CYB5A: variants seen among roughly 807,000 people sequenced by gnomAD.
CYB5A encodes cytochrome b5.
CYB5A carries 10 observed loss-of-function variants against 16.2 expected under a neutral mutation model. That is an observed-to-expected ratio of 0.62 (90% CI 0.38 to 1.04). CYB5A has a LOEUF of 1.04. Ranked by LOEUF, CYB5A falls within the 50% of genes least tolerant of loss-of-function variation. CYB5A has a pLI of 0.01. For missense variants in CYB5A, 161 were observed against 165.9 expected (o/e 0.97, Z 0.16); for synonymous variants, 62 against 57.0 (o/e 1.09, Z -0.40).
intron 1 of CYB5A, among the ~76,000 whole-genome samples, chr18:74,288,450 C>T (rs1361933247): frequency 6.6e-6 from 1 of 152,192 alleles, no homozygotes; most frequent in Non-Finnish European, 1.5e-5. Flanking sequence ...ATAAATCTTT[C>T]CTATTTAGGT....
At chr18:74,267,875 G>A (rs572964931) in intron 1 of CYB5A, among the ~76,000 whole-genome samples, 1 of 152,344 alleles carries the variant, frequency 6.6e-6, no homozygotes, top group South Asian at 2.1e-4. Flanking sequence ...TGTGTGGGAA[G>A]TGACCAGCTG....
chr18:74,257,479 CTCA>C (rs1417910288), intron 3 of CYB5A: 8 of 153,208 alleles, frequency 5.2e-5, no homozygotes, highest in African/African-American at 1.9e-4. Context: ...CTCTGAGGGC[CTCA>C]CTTGGGTTTA....
At position 74,260,952 on chromosome 18, in the gene CYB5A, G is replaced by A; in HGVS notation, c.259-8C>T. ...TAACTTTGGTCTGTCATCCTGCAATGAAAAGATAAGGCACATTATGGAATT... is the reference window on the plus strand; with the variant it reads ...TAACTTTGGTCTGTCATCCTGCAATAAAAAGATAAGGCACATTATGGAATT... On this transcript the variant is annotated splice_region_variant and splice_polypyrimidine_tract_variant and intron_variant, in intron 2 of 4. Coordinates refer to ENST00000340533, the MANE Select transcript of CYB5A (RefSeq NM_148923.4). 1 of 1,609,516 alleles carries A rather than the reference G, an allele frequency of 6.2e-7. No homozygotes were observed. The highest frequency in any genetic ancestry group is 8.5e-7 in the Non-Finnish European group (1 of 1,175,988).
At chr18:74,261,820 T>A in intron 2 of CYB5A, 1 of 152,248 alleles carries the variant, frequency 6.6e-6, no homozygotes, top group Admixed American at 6.5e-5. Flanking sequence ...TAAGAGTTTC[T>A]CAGTTTGCTC....
chr18:74,273,700 T>G (rs1027118886), intron 1 of CYB5A, among the ~76,000 whole-genome samples: 46 of 152,292 alleles, frequency 3.0e-4, no homozygotes, highest in African/African-American at 1.1e-3. Flanking sequence ...TCAATGCAGG[T>G]GGGATTCACC....
chr18:74,257,438 T>C (rs1788617), intron 3 of CYB5A: 152,609 of 155,318 alleles, frequency 0.98, 75,022 homozygotes, highest in Non-Finnish European at 1. Flanking sequence ...TGCACTTTGA[T>C]GGAAAAGTAA....
At chr18:74,275,775 T>C (rs1982848128) in intron 1 of CYB5A, among the ~76,000 whole-genome samples, 1 of 151,964 alleles carries the variant, frequency 6.6e-6, no homozygotes, top group African/African-American at 2.4e-5. Context: ...GCGGGAGCTA[T>C]TAAAAAATAA....
chr18:74,287,454 G>A (rs967094393), intron 1 of CYB5A, among the ~76,000 whole-genome samples: 4 of 152,180 alleles, frequency 2.6e-5, no homozygotes, highest in Admixed American at 2.6e-4. Flanking sequence ...AGGCAGCCAT[G>A]TTCAATGGAA....
intron 1 of CYB5A, among the ~76,000 whole-genome samples, chr18:74,288,291 C>T (rs1482130996): frequency 1.3e-5 from 2 of 152,168 alleles, no homozygotes; most frequent in Non-Finnish European, 2.9e-5. Context: ...TCAACATGAA[C>T]ACGGACATGC....
Position 74,291,816 on chromosome 18 carries a change from G to C in CYB5A, c.60C>G (p.His20Gln), listed in dbSNP as rs770255525. 6.2e-7 allele frequency: 1 copy of C among 1,613,888 alleles called. No homozygotes were observed. Among genetic ancestry groups the C allele is most frequent in the African/African-American group, 1.3e-5 (1 of 75,028 alleles). The stretch of plus-strand genomic sequence containing the variant: ...TCAGCCAGGTGCTCTTGCTGTGGTT[G>C]TGCTTCTGAATCTCCTCTAGGGTGT... Reference protein sequence around the residue: ...KYYTLEEIQKHNHSKSTWLIL... With the variant: ...KYYTLEEIQKQNHSKSTWLIL... Residue 20 changes from histidine (H) to glutamine (Q), a missense_variant, in exon 1 of 5, where the codon CAC becomes CAG. His to Gln is a conservative substitution (Grantham distance 24). Coordinates refer to ENST00000340533, the MANE Select transcript of CYB5A (RefSeq NM_148923.4).
At chr18:74,275,624 G>A (rs1982841247) in intron 1 of CYB5A, among the ~76,000 whole-genome samples, 1 of 152,170 alleles carries the variant, frequency 6.6e-6, no homozygotes, top group Non-Finnish European at 1.5e-5. Flanking sequence ...GTGTAAACAT[G>A]CAGAAGCATC....
intron 1 of CYB5A, among the ~76,000 whole-genome samples, chr18:74,267,945 C>A (rs1401786348): frequency 6.6e-6 from 1 of 152,124 alleles, no homozygotes; most frequent in Non-Finnish European, 1.5e-5. Context: ...TAAGGAGGAC[C>A]CAGAAGTGGG....
chr18:74,266,423 T>A (rs890865698), intron 1 of CYB5A, among the ~76,000 whole-genome samples: 1 of 152,122 alleles, frequency 6.6e-6, no homozygotes, highest in Non-Finnish European at 1.5e-5. Flanking sequence ...TCGCCCAGAG[T>A]CAATCATTAT....
intron 1 of CYB5A, among the ~76,000 whole-genome samples, chr18:74,266,807 C>G (rs1982454774): frequency 7.0e-6 from 1 of 142,930 alleles, no homozygotes; most frequent in Non-Finnish European, 1.5e-5. Flanking sequence ...TCACTGATAA[C>G]TCATGTAAAA....
At chr18:74,288,744 G>A (rs1573486) in intron 1 of CYB5A, among the ~76,000 whole-genome samples, 64,694 of 152,032 alleles carry the variant, frequency 0.43, 15,965 homozygotes, top group African/African-American at 0.69. Context: ...CCTGGCTAGA[G>A]TCTCAGATAG....
chr18:74,289,972 T>C (rs1599272070), intron 1 of CYB5A, among the ~76,000 whole-genome samples: 1 of 152,136 alleles, frequency 6.6e-6, no homozygotes, highest in South Asian at 2.1e-4. Context: ...AAATGCTTCA[T>C]AATATAAAAT....
At chr18:74,276,948 AAATGC>A (rs1982906400) in intron 1 of CYB5A, among the ~76,000 whole-genome samples, 1 of 152,192 alleles carries the variant, frequency 6.6e-6, no homozygotes, top group Non-Finnish European at 1.5e-5. Context: ...CTTTTCACCT[AAATGC>A]AATGCTAAGT....
intron 1 of CYB5A, among the ~76,000 whole-genome samples, chr18:74,285,676 C>A (rs1436124060): frequency 6.6e-6 from 1 of 151,860 alleles, no homozygotes; most frequent in East Asian, 1.9e-4. Context: ...CCAGCCTGGG[C>A]AACAAGAGAC....
At chr18:74,271,647 CGTGT>C (rs140764495) in intron 1 of CYB5A, among the ~76,000 whole-genome samples, 13 of 149,924 alleles carry the variant, frequency 8.7e-5, no homozygotes, top group South Asian at 6.4e-4. Flanking sequence ...ATGTACTTAT[CGTGT>C]GTGTGTGTGT....
Sources: gnomAD v4.1 joint callset for allele counts (sites outside exome capture counted in the v4.1 genomes callset) on GRCh38, gnomAD v4.1.1 for gene constraint, MANE v1.5 for transcripts, NCBI Gene and HGNC (gene_info 2026-07-23, HGNC 2026-07-21) for gene names.